Variants in CSGALNACT1 observed in about 807,000 individuals in gnomAD.
CSGALNACT1 encodes the protein chondroitin sulfate N-acetylgalactosaminyltransferase 1.
Under a neutral mutation model 51.0 loss-of-function variants are expected in CSGALNACT1, and 52 were observed. The ratio of observed to expected loss-of-function variants is 1.02; its 90% CI spans 0.82 to 1.29. The LOEUF (loss-of-function observed/expected upper bound fraction) is 1.29, where lower values mean the gene tolerates loss of function less well. CSGALNACT1 is among the 50% of genes most tolerant of loss of function. CSGALNACT1 has a pLI of 0.00. For missense variants in CSGALNACT1, 935 were observed against 679.2 expected (o/e 1.38, Z -4.19); for synonymous variants, 341 against 254.4 (o/e 1.34, Z -3.24).
intron 3 of CSGALNACT1, among the ~76,000 whole-genome samples, chr8:19,557,228 C>A (rs962453738): frequency 1.3e-5 from 2 of 152,152 alleles, no homozygotes; most frequent in African/African-American, 4.8e-5. Flanking sequence ...TCCTGGTCTA[C>A]CCGGAATCCC....
At position 19,429,261 on chromosome 8, in the gene CSGALNACT1, C is replaced by G. The variant is rs2059289987; in HGVS notation, c.954-8743G>C. On this transcript the variant is annotated intron_variant, in intron 6 of 9. Transcript: ENST00000454498. ...GTGCAATCTTGGTTCACCACAACCT[C>G]CACCTCCTGGTTTCAAGTGATTCTC... Among the ~76,000 whole-genome samples, 3 of 152,200 alleles carry G rather than the reference C, an allele frequency of 2.0e-5. No homozygotes were observed. In the East Asian group the frequency reaches 5.8e-4, roughly 29 times the overall value.
At chr8:19,585,592 A>G (rs74954799) in intron 3 of CSGALNACT1, among the ~76,000 whole-genome samples, 202 of 152,106 alleles carry the variant, frequency 1.3e-3, no homozygotes, top group African/African-American at 4.6e-3. Context: ...CCCCTTTACT[A>G]TCTCCCTATT....
chr8:19,583,797 C>T (rs186498085), intron 3 of CSGALNACT1, among the ~76,000 whole-genome samples: 2 of 152,124 alleles, frequency 1.3e-5, no homozygotes, highest in African/African-American at 2.4e-5. Context: ...GAACTGCCAA[C>T]AAAAAAATAA....
At chr8:19,733,627 G>A (rs976805628) in intron 1 of CSGALNACT1, among the ~76,000 whole-genome samples, 4 of 152,142 alleles carry the variant, frequency 2.6e-5, no homozygotes, top group Non-Finnish European at 2.9e-5. Flanking sequence ...CACTCTGTGT[G>A]CCGAGTGGTC....
At chr8:19,656,974 G>A (rs1290207814) in intron 1 of CSGALNACT1, among the ~76,000 whole-genome samples, 1 of 151,164 alleles carries the variant, frequency 6.6e-6, no homozygotes, top group East Asian at 1.9e-4. Context: ...GCTGAGGCAG[G>A]AGAATCACCT....
chr8:19,432,997 CTCA>C (rs1240186247), intron 6 of CSGALNACT1, among the ~76,000 whole-genome samples: 1 of 151,844 alleles, frequency 6.6e-6, no homozygotes, highest in Non-Finnish European at 1.5e-5. Flanking sequence ...CTTCACATGC[CTCA>C]TAATTTTTGC....
chr8:19,541,580 A>G (rs1258318217), intron 3 of CSGALNACT1, among the ~76,000 whole-genome samples: 10 of 20,782 alleles, frequency 4.8e-4, no homozygotes, highest in African/African-American at 3.3e-3. Flanking sequence ...TTTTTTTTTT[A>G]GTAGAGACAG....
At chr8:19,674,042 CT>C (rs2059987647) in intron 1 of CSGALNACT1, among the ~76,000 whole-genome samples, 1 of 152,200 alleles carries the variant, frequency 6.6e-6, no homozygotes, top group Non-Finnish European at 1.5e-5. Context: ...CATCCCAACA[CT>C]TTGGGAGGCC....
At chr8:19,732,749 C>T (rs1489919094) in intron 1 of CSGALNACT1, among the ~76,000 whole-genome samples, 1 of 152,216 alleles carries the variant, frequency 6.6e-6, no homozygotes, top group African/African-American at 2.4e-5. Context: ...ATTTCAAAAT[C>T]CATTCCCTTG....
chr8:19,695,717 G>A (rs1180662767), intron 1 of CSGALNACT1, among the ~76,000 whole-genome samples: 1 of 152,174 alleles, frequency 6.6e-6, no homozygotes, highest in Admixed American at 6.5e-5. Flanking sequence ...AATTTAGAAA[G>A]GCCTCCGAAA....
chr8:19,646,537 G>A (rs1356006661), intron 1 of CSGALNACT1, among the ~76,000 whole-genome samples: 2 of 152,144 alleles, frequency 1.3e-5, no homozygotes, highest in East Asian at 1.9e-4. Flanking sequence ...AGTGTCCAAC[G>A]GATGTGACAG....
At chr8:19,416,109 C>CTTT (rs34491658) in intron 8 of CSGALNACT1, among the ~76,000 whole-genome samples, 12,141 of 116,626 alleles carry the variant, frequency 0.1, 1,222 homozygotes, top group Admixed American at 0.18. Context: ...GAAATGAAAA[C>CTTT]TTTTTTTTTT....
chr8:19,409,463 G>A (rs2055149320), intron 8 of CSGALNACT1, among the ~76,000 whole-genome samples: 1 of 151,388 alleles, frequency 6.6e-6, no homozygotes, highest in South Asian at 2.1e-4. Flanking sequence ...GAAACAGCAA[G>A]GCTTTTCAAA....
intron 1 of CSGALNACT1, among the ~76,000 whole-genome samples, chr8:19,688,137 C>T (rs1448326076): frequency 3.9e-5 from 6 of 152,198 alleles, no homozygotes; most frequent in Admixed American, 2.6e-4. Flanking sequence ...AACTCTCTGA[C>T]TAGATCAGTA....
At chr8:19,429,232 AGT>A (rs2059285513) in intron 6 of CSGALNACT1, among the ~76,000 whole-genome samples, 1 of 152,208 alleles carries the variant, frequency 6.6e-6, no homozygotes, top group South Asian at 2.1e-4. Context: ...GCTGGAGTAC[AGT>A]GGTGCAATCT....
intron 3 of CSGALNACT1, among the ~76,000 whole-genome samples, chr8:19,564,732 C>G (rs964184317): frequency 6.6e-6 from 1 of 152,218 alleles, no homozygotes; most frequent in Non-Finnish European, 1.5e-5. Context: ...CTTGCTCACT[C>G]TGTAGCACAT....
At chr8:19,554,352 G>A (rs915767316) in intron 3 of CSGALNACT1, among the ~76,000 whole-genome samples, 2 of 152,136 alleles carry the variant, frequency 1.3e-5, no homozygotes, top group African/African-American at 4.8e-5. Flanking sequence ...GGTACCTGGA[G>A]AGTCAGGTAC....
chr8:19,653,671 G>C (rs1449570699), intron 1 of CSGALNACT1, among the ~76,000 whole-genome samples: 1 of 152,056 alleles, frequency 6.6e-6, no homozygotes, highest in Non-Finnish European at 1.5e-5. Context: ...ACACACATCT[G>C]TAGTCCCAGC....
intron 3 of CSGALNACT1, among the ~76,000 whole-genome samples, chr8:19,541,407 C>A (rs990807036): frequency 6.6e-6 from 1 of 151,498 alleles, no homozygotes; most frequent in African/African-American, 2.4e-5. Context: ...CTTGCCACCA[C>A]ACCCGGCTAA....
Sources: gnomAD v4.1 joint callset for allele counts (sites outside exome capture counted in the v4.1 genomes callset) on GRCh38, gnomAD v4.1.1 for gene constraint, MANE v1.5 for transcripts, NCBI Gene and HGNC (gene_info 2026-07-23, HGNC 2026-07-21) for gene names.